Variants in RASSF6 observed in about 807,000 individuals in gnomAD.
RASSF6 encodes the protein ras association domain-containing protein 6.
RASSF6 carries 52 observed loss-of-function variants against 44.0 expected under a neutral mutation model. That is an observed-to-expected ratio of 1.18 (90% confidence interval 0.95 to 1.49). The LOEUF (loss-of-function observed/expected upper bound fraction) is 1.49, where lower values mean the gene tolerates loss of function less well. Ranked by LOEUF, RASSF6 falls within the 40% of genes most tolerant of loss-of-function variation. The pLI, the probability that RASSF6 is intolerant of heterozygous loss-of-function variation, is 0.00. For synonymous variants in RASSF6, 162 were observed against 124.6 expected (o/e 1.30, Z -2.00); for missense variants, 464 against 393.3 (o/e 1.18, Z -1.52).
chr4:73,581,371 T>G (rs1723635142), intron 8 of RASSF6, among the ~76,000 whole-genome samples: 1 of 152,160 alleles, frequency 6.6e-6, no homozygotes, highest in Non-Finnish European at 1.5e-5. Context: ...GCATCTCTAC[T>G]GAGGAAGAGA....
intron 1 of RASSF6, 34 bp from the exon 2 acceptor site, chr4:73,611,863 T>C (rs750846688): frequency 1.1e-5 from 15 of 1,332,610 alleles, no homozygotes; most frequent in Non-Finnish European, 1.6e-5. Flanking sequence ...GATTTGTTCC[T>C]ATAATGCATT....
Position 73,582,229 on chromosome 4 carries a change from C to A in RASSF6, c.629G>T (p.Arg210Ile), listed in dbSNP as rs757168445. 1.3e-6 allele frequency: 2 copies of A among 1,596,482 alleles called. No homozygotes were observed. Among genetic ancestry groups the A allele is most frequent in the Non-Finnish European group, 1.7e-6 (2 of 1,168,992 alleles). Residue 210 changes from arginine (R) to isoleucine (I), a missense_variant, in exon 7 of 11, where the codon AGA (arginine) becomes ATA (isoleucine). By Grantham distance (97) the Arg-to-Ile change is moderately conservative (BLOSUM62 -3). Coordinates refer to ENST00000307439, the MANE Select transcript of RASSF6 (RefSeq NM_177532.5). ...AAGTTGCTTTATTACTTCTTCAGTT[C>A]TCATGTTACTGTTTACTCTGACCTT... ...ETKVRVNSNM[R>I]TEEVIKQLLQ...
At chr4:73,586,713 A>G (rs535187763) in intron 5 of RASSF6, among the ~76,000 whole-genome samples, 2 of 151,976 alleles carry the variant, frequency 1.3e-5, no homozygotes, top group Non-Finnish European at 2.9e-5. Context: ...TATTTTTATG[A>G]TGTCTTTGAT....
chr4:73,580,996 T>A (rs1723596168), intron 8 of RASSF6, among the ~76,000 whole-genome samples: 1 of 151,838 alleles, frequency 6.6e-6, no homozygotes, highest in South Asian at 2.1e-4. Context: ...CTAGGGTTTT[T>A]ATGGTTTTAG....
chr4:73,583,036 T>A (rs1355933038), intron 6 of RASSF6, among the ~76,000 whole-genome samples: 1 of 152,146 alleles, frequency 6.6e-6, no homozygotes, highest in Non-Finnish European at 1.5e-5. Flanking sequence ...AAAAACCACA[T>A]GTTCATCCTG....
intron 3 of RASSF6, among the ~76,000 whole-genome samples, chr4:73,593,968 A>T (rs897722856): frequency 3.9e-5 from 6 of 152,258 alleles, no homozygotes; most frequent in Non-Finnish European, 5.9e-5. Context: ...ATTAGAAAAA[A>T]ACATCTATTT....
chr4:73,590,662 C>T (rs1211230234), intron 4 of RASSF6, among the ~76,000 whole-genome samples: 2 of 152,202 alleles, frequency 1.3e-5, no homozygotes, highest in East Asian at 3.8e-4. Context: ...GCCTTCCTGC[C>T]TGAGTGTTCA....
chr4:73,591,941 C>T (rs1724589946), intron 4 of RASSF6, among the ~76,000 whole-genome samples: 2 of 151,058 alleles, frequency 1.3e-5, no homozygotes, highest in Non-Finnish European at 2.9e-5. Context: ...GATAAGTATA[C>T]AAAAATACAA....
intron 2 of RASSF6, among the ~76,000 whole-genome samples, chr4:73,606,361 C>T (rs945686971): frequency 3.3e-5 from 5 of 152,126 alleles, no homozygotes; most frequent in African/African-American, 1.2e-4. Context: ...GAGAGTTTAA[C>T]ACCGGGTACA....
intron 3 of RASSF6, among the ~76,000 whole-genome samples, chr4:73,596,844 A>G (rs1278308583): frequency 6.6e-6 from 1 of 152,166 alleles, no homozygotes; most frequent in Non-Finnish European, 1.5e-5. Flanking sequence ...CTGATCTTCA[A>G]CAAATATGAC....
intron 1 of RASSF6, among the ~76,000 whole-genome samples, chr4:73,616,227 ATCTATC>A (rs947369757): frequency 7.2e-6 from 1 of 138,684 alleles, no homozygotes; most frequent in African/African-American, 2.8e-5. Flanking sequence ...ATCTATATCT[ATCTATC>A]TATCTATCTA....
intron 2 of RASSF6, among the ~76,000 whole-genome samples, chr4:73,607,036 A>G (rs1725689089): frequency 6.6e-6 from 1 of 152,166 alleles, no homozygotes; most frequent in East Asian, 1.9e-4. Flanking sequence ...TTTGTTCTTC[A>G]GTAATGCTGC....
At chr4:73,615,873 G>T (rs1310968635) in intron 1 of RASSF6, 9 of 1,548,420 alleles carry the variant, frequency 5.8e-6, no homozygotes, top group Non-Finnish European at 7.9e-6. Flanking sequence ...GCCTAGAGGT[G>T]GGCTTGCCTG....
intron 2 of RASSF6, among the ~76,000 whole-genome samples, chr4:73,609,946 T>C (rs1725891908): frequency 6.6e-6 from 1 of 152,154 alleles, no homozygotes. Flanking sequence ...ATCACATGAT[T>C]AGTTCTGGGG....
intron 1 of RASSF6, among the ~76,000 whole-genome samples, chr4:73,612,141 A>G (rs954107631): frequency 1.3e-5 from 2 of 152,190 alleles, no homozygotes; most frequent in Non-Finnish European, 2.9e-5. Flanking sequence ...TTCTATTGCA[A>G]TAACTCACCC....
At chr4:73,609,895 T>G (rs1560460605) in intron 2 of RASSF6, among the ~76,000 whole-genome samples, 2 of 152,168 alleles carry the variant, frequency 1.3e-5, no homozygotes, top group Admixed American at 6.5e-5. Context: ...AATCCTTTCC[T>G]ATGGTGAGAA....
chr4:73,585,302 C>T lies in RASSF6; in HGVS notation c.445G>A (p.Val149Met). The T allele has an allele frequency of 6.2e-7, 1 of 1,611,878 alleles. No homozygotes were observed. The highest frequency in any genetic ancestry group is 8.5e-7 in the Non-Finnish European group (1 of 1,178,736). ...PHAKDEPDSP[V>M]LYRTMSEAAL... ...GCTTCACTCATGGTTCTATAGAGCA[C>T]TGGGGAGTCTGGTTCATCCTTTGCA... Residue 149 changes from valine (V) to methionine (M), a missense_variant, in exon 6 of 11, where the codon GTG (valine) becomes ATG (methionine). Transcript: ENST00000307439.
chr4:73,615,618 T>G (rs1283081542), intron 1 of RASSF6, among the ~76,000 whole-genome samples: 1 of 152,232 alleles, frequency 6.6e-6, no homozygotes, highest in Non-Finnish European at 1.5e-5. Context: ...ATAAGATCAT[T>G]ATTTAATAAG....
Position 73,582,285 on chromosome 4 carries a change from T to G in RASSF6, c.573A>C (p.Ser191=). The G allele has an allele frequency of 1.3e-6, 2 of 1,545,776 alleles. No individual in the cohort carries two copies. The highest frequency in any genetic ancestry group is 1.8e-6 in the Non-Finnish European group (2 of 1,125,734). The part of the protein sequence containing the change: ...INGHFYNHET[S]IFIPAFESET... ...CTGATTCAAAGGCTGGAATGAAAAT[T>G]GATGTCTAGAAAAAGAATTGTCACA... is the stretch of plus-strand genomic sequence containing the variant. The change falls in exon 7 of 11, where the codon TCA becomes TCC. Residue 191 remains serine (S), a synonymous_variant. Transcript: ENST00000307439.
Sources: gnomAD v4.1 joint callset for allele counts (sites outside exome capture counted in the v4.1 genomes callset) on GRCh38, gnomAD v4.1.1 for gene constraint, MANE v1.5 for transcripts, NCBI Gene and HGNC (gene_info 2026-07-23, HGNC 2026-07-21) for gene names.